The following GPC5 variants were observed in gnomAD, a reference collection of about 807,000 sequenced individuals.
GPC5 encodes the protein glypican 5, also known as glypican-5.
GPC5 carries 47 observed loss-of-function variants against 53.9 expected under a neutral mutation model. That is an observed-to-expected ratio of 0.87 (90% CI 0.69 to 1.11). The LOEUF is 1.11. Among genes scored for constraint, GPC5 ranks in the 50% most tolerant of loss-of-function variants. GPC5 has a pLI of 0.00. For missense variants in GPC5, 748 were observed against 713.1 expected (o/e 1.05, Z -0.56); for synonymous variants, 286 against 263.3 (o/e 1.09, Z -0.84).
chr13:91,784,081 A>G (rs576462589), intron 5 of GPC5, among the ~76,000 whole-genome samples: 6 of 152,346 alleles, frequency 3.9e-5, no homozygotes, highest in African/African-American at 1.4e-4. Flanking sequence ...ATATTAAATC[A>G]GAGACAGATT....
chr13:92,809,216 G>C (rs1039679490), intron 7 of GPC5, among the ~76,000 whole-genome samples: 1 of 152,054 alleles, frequency 6.6e-6, no homozygotes, highest in Non-Finnish European at 1.5e-5. Context: ...CAGCATAACT[G>C]GTATTATGCT....
intron 5 of GPC5, among the ~76,000 whole-genome samples, chr13:91,771,245 T>C (rs973993625): frequency 6.6e-6 from 1 of 152,158 alleles, no homozygotes; most frequent in South Asian, 2.1e-4. Context: ...AAAAATCAAA[T>C]AAATACAAAT....
intron 5 of GPC5, among the ~76,000 whole-genome samples, chr13:91,862,134 C>A (rs1222338435): frequency 1.3e-5 from 2 of 152,038 alleles, no homozygotes; most frequent in African/African-American, 4.8e-5. Flanking sequence ...TTTTCATTTT[C>A]TCTAATTTGG....
chr13:92,634,334 G>T (rs1354287009), intron 7 of GPC5, among the ~76,000 whole-genome samples: 1 of 152,056 alleles, frequency 6.6e-6, no homozygotes, highest in Non-Finnish European at 1.5e-5. Context: ...TCAAAATACT[G>T]GTGAACTCTG....
chr13:92,093,376 G>T (rs1250600766), intron 6 of GPC5, among the ~76,000 whole-genome samples: 1 of 151,980 alleles, frequency 6.6e-6, no homozygotes, highest in Admixed American at 6.6e-5. Context: ...CAGTCCTAAT[G>T]TTTGTATCTT....
rs1379307769 is a variant in GPC5 at position 91,412,682 on chromosome 13, A to C, written c.163+13473A>C. On this transcript the variant is annotated intron_variant, in intron 1 of 7. Coordinates refer to ENST00000377067, the MANE Select transcript of GPC5 (RefSeq NM_004466.6). Reference sequence around the variant, plus strand: ...CAGGAATATGACGTTATCAAAGATTAGAAATACAAATATCTAATGTTCCTG... The same window carrying C: ...CAGGAATATGACGTTATCAAAGATTCGAAATACAAATATCTAATGTTCCTG... Among the ~76,000 whole-genome samples, 8 of 152,244 alleles carry C rather than the reference A, an allele frequency of 5.3e-5. No individual in the cohort carries two copies. In the East Asian group the frequency reaches 1.3e-3, roughly 26 times the overall value.
intron 7 of GPC5, among the ~76,000 whole-genome samples, chr13:92,499,210 G>T (rs1452752016): frequency 1.3e-5 from 2 of 152,082 alleles, no homozygotes; most frequent in African/African-American, 2.4e-5. Context: ...ATGTGAGGTG[G>T]CTCCAGGGTT....
chr13:92,691,468 C>G (rs1887393719), intron 7 of GPC5, among the ~76,000 whole-genome samples: 1 of 149,324 alleles, frequency 6.7e-6, no homozygotes, highest in Admixed American at 6.7e-5. Flanking sequence ...CACTGTCTGG[C>G]ACTCCCTAGT....
At chr13:92,456,626 G>C (rs1277159155) in intron 7 of GPC5, among the ~76,000 whole-genome samples, 2 of 152,136 alleles carry the variant, frequency 1.3e-5, no homozygotes, top group African/African-American at 4.8e-5. Flanking sequence ...ACCCTTGTGA[G>C]CGTGGGTCTC....
intron 7 of GPC5, among the ~76,000 whole-genome samples, chr13:92,511,809 T>C (rs1244165405): frequency 6.6e-6 from 1 of 152,188 alleles, no homozygotes; most frequent in Non-Finnish European, 1.5e-5. Context: ...TCTGTATGAC[T>C]CCTAGACCCT....
At chr13:92,509,809 G>A (rs959534994) in intron 7 of GPC5, 6 of 152,254 alleles carry the variant, frequency 3.9e-5, no homozygotes, top group East Asian at 1.9e-4. Flanking sequence ...CAACATGGGC[G>A]CAATGAGAGA....
intron 6 of GPC5, among the ~76,000 whole-genome samples, chr13:91,939,495 T>C (rs1447079500): frequency 2.0e-5 from 3 of 152,148 alleles, no homozygotes; most frequent in Non-Finnish European, 4.4e-5. Context: ...GAGACCACTG[T>C]AAGCATCTCA....
intron 7 of GPC5, among the ~76,000 whole-genome samples, chr13:92,514,507 G>A (rs555064999): frequency 5.3e-5 from 8 of 152,202 alleles, no homozygotes; most frequent in African/African-American, 1.2e-4. Flanking sequence ...ATTGTTGTAC[G>A]TGCCTTTTAA....
At chr13:92,743,763 A>G (rs1889169706) in intron 7 of GPC5, among the ~76,000 whole-genome samples, 2 of 152,182 alleles carry the variant, frequency 1.3e-5, no homozygotes, top group African/African-American at 4.8e-5. Context: ...TCGTCCCATC[A>G]ATACCTAATT....
intron 2 of GPC5, among the ~76,000 whole-genome samples, chr13:91,613,509 A>G (rs9515958): frequency 0.52 from 79,022 of 152,058 alleles, 24,034 homozygotes; most frequent in Non-Finnish European, 0.67. Flanking sequence ...CAGCAAAACC[A>G]TATCACAGAT....
chr13:91,859,856 A>G (rs1594622855), intron 5 of GPC5, among the ~76,000 whole-genome samples: 2 of 152,010 alleles, frequency 1.3e-5, no homozygotes, highest in African/African-American at 2.4e-5. Flanking sequence ...ATTTAAAGTA[A>G]TAAATTACCC....
chr13:91,727,017 C>G (rs2036589613), intron 3 of GPC5, among the ~76,000 whole-genome samples: 1 of 152,170 alleles, frequency 6.6e-6, no homozygotes, highest in Admixed American at 6.6e-5. Context: ...CTTCTTGTTC[C>G]AAATGCACAG....
chr13:92,190,218 A>G (rs1156765172), intron 7 of GPC5, among the ~76,000 whole-genome samples: 1 of 152,174 alleles, frequency 6.6e-6, no homozygotes, highest in Non-Finnish European at 1.5e-5. Flanking sequence ...ACCAATGGAG[A>G]ATTCTCTACT....
intron 6 of GPC5, among the ~76,000 whole-genome samples, chr13:91,940,356 G>A (rs546855934): frequency 4.6e-5 from 7 of 152,080 alleles, no homozygotes; most frequent in African/African-American, 7.2e-5. Context: ...AGTATTCTAC[G>A]TTATATACAT....
Sources: allele counts gnomAD v4.1 joint callset (sites outside exome capture counted in the v4.1 genomes callset), GRCh38; gene constraint gnomAD v4.1.1; transcripts MANE v1.5; gene names NCBI Gene and HGNC (gene_info 2026-07-23, HGNC 2026-07-21).